The following PLEKHH1 variants were observed in gnomAD, a reference collection of about 807,000 sequenced individuals.
PLEKHH1 encodes the protein pleckstrin homology, MyTH4 and FERM domain containing H1, also known as pleckstrin homology domain-containing family H member 1.
A neutral mutation model predicts 160.0 loss-of-function variants in PLEKHH1; 104 were observed. The ratio of observed to expected loss-of-function variants is 0.65; its 90% CI spans 0.55 to 0.76. The LOEUF (loss-of-function observed/expected upper bound fraction) is 0.76, where lower values mean the gene tolerates loss of function less well. Ranked by LOEUF, PLEKHH1 falls within the 30% of genes least tolerant of loss-of-function variation. The pLI, the probability that PLEKHH1 is intolerant of heterozygous loss-of-function variation, is 0.00. For synonymous variants in PLEKHH1, 619 were observed against 678.4 expected (o/e 0.91, Z 1.36); for missense variants, 1,427 against 1,724.1 (o/e 0.83, Z 3.05).
chr14:67,547,607 T>C (rs2034232236), intron 2 of PLEKHH1, among the ~76,000 whole-genome samples: 1 of 152,092 alleles, frequency 6.6e-6, no homozygotes, highest in Admixed American at 6.6e-5. Context: ...TTACATGGGC[T>C]GATGACTGCA....
At position 67,561,999 on chromosome 14, in the gene PLEKHH1, G is replaced by T. The variant is rs776934193; in HGVS notation, c.469G>T (p.Val157Leu). 2 of 1,613,782 alleles carry T rather than the reference G, an allele frequency of 1.2e-6. No individual in the cohort carries two copies. The highest frequency in any genetic ancestry group is 1.7e-6 in the Non-Finnish European group (2 of 1,179,834). Residue 157 changes from valine (V) to leucine (L), a missense_variant, in exon 6 of 29, where the codon GTG (valine) becomes TTG (leucine). Val to Leu is a conservative substitution (Grantham distance 32). This residue lies in a region of PLEKHH1 where 831 missense variants were observed against 929.2 expected (regional missense o/e 0.89). Transcript: ENST00000329153. The stretch of plus-strand genomic sequence containing the variant: ...TCTGAAAAGCCATAATCAGCGCCTG[G>T]TGGAGCAGGTGGGATCCCTTCAAGA... ...QHLKSHNQRLVEQVGSLQDAL... is the reference protein window; with the variant it reads ...QHLKSHNQRLLEQVGSLQDAL...
chr14:67,561,937 T>G lies in PLEKHH1; in HGVS notation c.424-17T>G. 1 of 1,604,030 alleles carries G rather than the reference T, an allele frequency of 6.2e-7. No individual in the cohort carries two copies. Among genetic ancestry groups the G allele is most frequent in the Non-Finnish European group, 8.5e-7 (1 of 1,171,092 alleles). ...GTAGGCTGGGTGTCCTAAATCTTCA[T>G]TTTTCTTTTTGCTCAGCTTGAGATG... On this transcript the variant is annotated splice_polypyrimidine_tract_variant and intron_variant, in intron 5 of 28. Transcript: ENST00000329153.
In PLEKHH1 at chr14:67,537,458, A is replaced by G. The variant is rs200393502; in HGVS notation, c.-35+4060A>G. 2.0e-5 allele frequency among the ~76,000 whole-genome samples: 3 copies of G among 149,736 alleles called. No homozygotes were observed. The East Asian group carries it at 5.8e-4, about 29-fold the overall frequency. On this transcript the variant is annotated intron_variant, in intron 1 of 28. Coordinates refer to ENST00000329153, the MANE Select transcript of PLEKHH1 (RefSeq NM_020715.3). ...GGCAGGTGGGTCACTTGAGCCCAGG[A>G]GTTCGAGACCAGCCTGGGCACCATG...
intron 7 of PLEKHH1, 98 bp downstream of exon 7, chr14:67,562,992 T>C: frequency 7.9e-7 from 1 of 1,266,370 alleles, no homozygotes; most frequent in East Asian, 2.4e-5. Context: ...AGGAGGCTGC[T>C]GGCATCCTCA....
intron 27 of PLEKHH1, 44 bp downstream of exon 27, chr14:67,585,698 A>C (rs764390011): frequency 7.3e-7 from 1 of 1,365,734 alleles, no homozygotes; most frequent in East Asian, 2.5e-5. Context: ...CCTCTTCCTC[A>C]ACATGGTCTT....
At chr14:67,559,564 C>T (rs1482465004) in intron 4 of PLEKHH1, 44 bp from the exon 5 acceptor site, 1 of 1,373,628 alleles carries the variant, frequency 7.3e-7, no homozygotes, top group African/African-American at 1.4e-5. Flanking sequence ...AGTCACTCTC[C>T]TGGTGATTGT....
At position 67,569,984 on chromosome 14, in the gene PLEKHH1, C is replaced by G; in HGVS notation, c.1406C>G (p.Thr469Ser). 1.2e-6 allele frequency: 2 copies of G among 1,606,368 alleles called. No homozygotes were observed. The highest frequency in any genetic ancestry group is 2.2e-5 in the East Asian group (1 of 44,804). Residue 469 changes from threonine (T) to serine (S), a missense_variant, in exon 9 of 29, where the codon ACT (threonine) becomes AGT (serine). Thr to Ser is a moderately conservative substitution (Grantham distance 58). This residue lies in a region of PLEKHH1 where 831 missense variants were observed against 929.2 expected (regional missense o/e 0.89). Transcript: ENST00000329153. ...TCTGGCCTGGTCTACAAGAATGTCACTGTGCCTGTCTACACAGCACTGAAG... is the reference window on the plus strand; with the variant it reads ...TCTGGCCTGGTCTACAAGAATGTCAGTGTGCCTGTCTACACAGCACTGAAG... ...SFSGLVYKNV[T>S]VPVYTALKGR...
intron 28 of PLEKHH1, chr14:67,586,394 G>A: frequency 2.2e-6 from 3 of 1,358,976 alleles, no homozygotes; most frequent in Non-Finnish European, 2.9e-6. Flanking sequence ...TCCTCAGTTG[G>A]GTGCTTACGT....
In PLEKHH1 at chr14:67,542,001, C is replaced by G; in HGVS notation, c.126+8C>G. 2 of 1,599,052 alleles carry G rather than the reference C, an allele frequency of 1.3e-6. No homozygotes were observed. Among genetic ancestry groups the G allele is most frequent in the East Asian group, 4.5e-5 (2 of 44,140 alleles). On this transcript the variant is annotated splice_region_variant and intron_variant, in intron 2 of 28. Coordinates refer to ENST00000329153, the MANE Select transcript of PLEKHH1 (RefSeq NM_020715.3). ...GAGCTGCTGGCTGACAAGGTGAGTC[C>G]CTCAGAGCAGGGAGCTGCCTCTCCA...
At position 67,571,913 on chromosome 14, in the gene PLEKHH1, G is replaced by A; in HGVS notation, c.1585+11G>A. ...GGGCCATCAAGAGAGGTACAGAGAA[G>A]GGGAGCAGGGGCAGGGTGCAGCAGC... is the stretch of plus-strand genomic sequence containing the variant. On this transcript the variant is annotated intron_variant, in intron 10 of 28. Transcript: ENST00000329153. The A allele has an allele frequency of 6.3e-7, 1 of 1,599,786 alleles. No homozygotes were observed. Among genetic ancestry groups the A allele is most frequent in the Non-Finnish European group, 8.5e-7 (1 of 1,172,762 alleles).
chr14:67,583,580 A>T (rs1162785802), intron 24 of PLEKHH1, among the ~76,000 whole-genome samples, 161 bp from the exon 25 acceptor site: 1 of 152,224 alleles, frequency 6.6e-6, no homozygotes, highest in East Asian at 1.9e-4. Flanking sequence ...TCTAGTGTCT[A>T]TAAAACTTGA....
rs532799699 is a variant in PLEKHH1 at position 67,535,530 on chromosome 14, C to T, written c.-35+2132C>T. Reference sequence around the variant, plus strand: ...CAAGTGGCTGGGATTAACAGGCATGCGCCACCACACCTGGCTAATTTTTGT... The same window carrying T: ...CAAGTGGCTGGGATTAACAGGCATGTGCCACCACACCTGGCTAATTTTTGT... On this transcript the variant is annotated intron_variant, in intron 1 of 28. Transcript: ENST00000329153. Among the ~76,000 whole-genome samples the T allele has an allele frequency of 1.2e-4, 18 of 151,926 alleles. No individual in the cohort carries two copies. The South Asian group carries it at 2.1e-3, about 18-fold the overall frequency.
rs1273841021 is a variant in PLEKHH1 at position 67,576,933 on chromosome 14, C to CCA, written c.2462-361_2462-360dup. On this transcript the variant is annotated intron_variant, in intron 17 of 28. Coordinates refer to ENST00000329153, the MANE Select transcript of PLEKHH1 (RefSeq NM_020715.3). This position sits in a 1 kb window ranked among gnomAD's most constrained non-coding sequence, Gnocchi z 4.0. ...CTGAGGAACTAATTAATGGCATATA[C>CCA]CACACACACCCCTTTACTACTGCTC... Among the ~76,000 whole-genome samples, 2 of 152,106 alleles carry CCA rather than the reference C, an allele frequency of 1.3e-5. No individual in the cohort carries two copies. The highest frequency in any genetic ancestry group is 4.8e-5 in the African/African-American group (2 of 41,402).
rs1031300810 is a variant in PLEKHH1, at chr14:67,586,488, C to A, written c.3933+391C>A. On this transcript the variant is annotated intron_variant, in intron 28 of 28. Coordinates refer to ENST00000329153, the MANE Select transcript of PLEKHH1 (RefSeq NM_020715.3). ...GCATGTTACCCCTGGGTTCTGCTGA[C>A]CCAACATTAGCTACAAAGTGGGACA... 4.6e-6 allele frequency: 5 copies of A among 1,091,636 alleles called. No individual in the cohort carries two copies. In the African/African-American group the frequency reaches 8.0e-5, roughly 18 times the overall value. The allele number at this position is 1,091,636 out of a possible 1,614,324, so 67.6% of individuals were successfully genotyped here.
chr14:67,569,324 T>A, intron 8 of PLEKHH1, 108 bp downstream of exon 8: 1 of 715,926 alleles, frequency 1.4e-6, no homozygotes. Flanking sequence ...TTGGCTGGCC[T>A]ACCCTGTTCC....
intron 8 of PLEKHH1, chr14:67,569,592 T>C (rs1288281181): frequency 2.2e-6 from 1 of 447,236 alleles, no homozygotes. Context: ...AGCCACCAAA[T>C]CTCCACAACG....
At chr14:67,579,647 C>T (rs1242778126) in intron 21 of PLEKHH1, 74 bp from the exon 22 acceptor site, 4 of 1,452,244 alleles carry the variant, frequency 2.8e-6, no homozygotes, top group Non-Finnish European at 3.8e-6. Flanking sequence ...CTGCTGTATC[C>T]AGACACCTCC....
chr14:67,562,069 G>A (rs747388845), intron 6 of PLEKHH1, 34 bp downstream of exon 6: 13 of 1,608,634 alleles, frequency 8.1e-6, no homozygotes, highest in African/African-American at 2.7e-5. Flanking sequence ...TGTGCAGTAC[G>A]TGTGTTTGGT....
At chr14:67,540,935 T>A (rs920935342) in intron 1 of PLEKHH1, among the ~76,000 whole-genome samples, 2 of 152,158 alleles carry the variant, frequency 1.3e-5, no homozygotes, top group African/African-American at 4.8e-5. Context: ...CTGAGTGAAT[T>A]CCCCTGGCTG....
Sources: allele counts gnomAD v4.1 joint callset (sites outside exome capture counted in the v4.1 genomes callset), GRCh38; gene constraint gnomAD v4.1.1; regional missense constraint gnomAD v4.1.1; non-coding constraint Gnocchi (gnomAD v3.1); transcripts MANE v1.5; gene names NCBI Gene and HGNC (gene_info 2026-07-23, HGNC 2026-07-21).